PLXNA2: variants seen among roughly 807,000 people sequenced by gnomAD.
The protein encoded by PLXNA2 is plexin A2, also known as plexin-A2.
PLXNA2 carries 91 observed loss-of-function variants against 193.5 expected under a neutral mutation model. That is an observed-to-expected ratio of 0.47 (90% CI 0.40 to 0.56). The LOEUF is 0.56. Ranked by LOEUF, PLXNA2 falls within the 20% of genes least tolerant of loss-of-function variation. The probability of loss-of-function intolerance (pLI) is 0.00; values close to 1 mark genes in which losing one functional copy is unlikely to be tolerated. For synonymous variants in PLXNA2, 997 were observed against 1,027.3 expected (o/e 0.97, Z 0.56); for missense variants, 1,995 against 2,503.2 (o/e 0.80, Z 4.33).
chr1:208,127,412 C>A (rs971949824), intron 4 of PLXNA2, among the ~76,000 whole-genome samples: 10 of 152,232 alleles, frequency 6.6e-5, no homozygotes, highest in Non-Finnish European at 1.2e-4. Flanking sequence ...TCCTGGCCTT[C>A]CAGGGACCAA....
intron 11 of PLXNA2, among the ~76,000 whole-genome samples, chr1:208,080,941 G>T (rs997107367): frequency 1.3e-4 from 20 of 152,316 alleles, no homozygotes; most frequent in African/African-American, 4.6e-4. Context: ...GTCTTTAAAT[G>T]GTGTGGTCCT....
At chr1:208,242,451 C>T (rs1367988063) in intron 1 of PLXNA2, among the ~76,000 whole-genome samples, 2 of 152,158 alleles carry the variant, frequency 1.3e-5, no homozygotes, top group Non-Finnish European at 2.9e-5. Context: ...ACTGATGGGC[C>T]CCCAAGTGAC....
intron 1 of PLXNA2, among the ~76,000 whole-genome samples, chr1:208,220,307 G>A (rs563586682): frequency 6.6e-6 from 1 of 151,884 alleles, no homozygotes; most frequent in Non-Finnish European, 1.5e-5. Flanking sequence ...GTCCCTTTCT[G>A]GTAGAATGGG....
chr1:208,154,210 T>C (rs1668863540), intron 3 of PLXNA2, among the ~76,000 whole-genome samples: 1 of 151,904 alleles, frequency 6.6e-6, no homozygotes, highest in Admixed American at 6.6e-5. Flanking sequence ...CTGGGCAGAG[T>C]GCCAGCGTGA....
chr1:208,091,867 T>C (rs1387366348), intron 9 of PLXNA2, among the ~76,000 whole-genome samples: 1 of 48,526 alleles, frequency 2.1e-5, no homozygotes, highest in African/African-American at 6.8e-5. Context: ...AGACTTCATA[T>C]CAAAAAAAAA....
chr1:208,081,572 C>G (rs1172295702), intron 11 of PLXNA2, among the ~76,000 whole-genome samples: 1 of 152,216 alleles, frequency 6.6e-6, no homozygotes, highest in African/African-American at 2.4e-5. Context: ...TGAAATTAGA[C>G]TGTCTTGGTT....
At chr1:208,108,838 CAG>C (rs980752531) in intron 4 of PLXNA2, among the ~76,000 whole-genome samples, 4 of 152,152 alleles carry the variant, frequency 2.6e-5, no homozygotes, top group Admixed American at 6.5e-5. Context: ...GCTCAGAGGA[CAG>C]AGAGTGGCAG....
At chr1:208,050,078 C>A (rs1219061956) in intron 17 of PLXNA2, among the ~76,000 whole-genome samples, 1 of 152,182 alleles carries the variant, frequency 6.6e-6, no homozygotes, top group East Asian at 1.9e-4. Flanking sequence ...ACGATACAGA[C>A]AACTTTTTAA....
intron 9 of PLXNA2, among the ~76,000 whole-genome samples, chr1:208,085,043 G>A (rs748584907): frequency 3.3e-5 from 5 of 151,366 alleles, no homozygotes; most frequent in Non-Finnish European, 7.4e-5. Context: ...TTTCCAGAAG[G>A]TGGATCAAGC....
At chr1:208,079,965 G>A (rs556800208) in intron 11 of PLXNA2, among the ~76,000 whole-genome samples, 3 of 152,268 alleles carry the variant, frequency 2.0e-5, no homozygotes, top group African/African-American at 7.2e-5. Context: ...CAGGAGGTAA[G>A]GGCTGCTTTC....
intron 3 of PLXNA2, among the ~76,000 whole-genome samples, chr1:208,178,518 A>T (rs1213885148): frequency 6.6e-6 from 1 of 152,160 alleles, no homozygotes; most frequent in Non-Finnish European, 1.5e-5. Flanking sequence ...ATAAATCTTC[A>T]GGGGTAGGGG....
At position 208,089,596 on chromosome 1, in the gene PLXNA2, A is replaced by G. The variant is rs188212142; in HGVS notation, c.2097+3190T>C. Among the ~76,000 whole-genome samples, 179 of 152,304 alleles carry G rather than the reference A, an allele frequency of 1.2e-3. 1 individual carries two copies. The highest frequency in any genetic ancestry group is 4.0e-3 in the African/African-American group (167 of 41,564). ...TTGAATTTCTATAAGTTCCCAGGTG[A>G]TGCTGATGCTGCCGGTCCCTGGGCA... On this transcript the variant is annotated intron_variant, in intron 9 of 31. Coordinates refer to ENST00000367033, the MANE Select transcript of PLXNA2 (RefSeq NM_025179.4).
chr1:208,221,326 GT>G (rs1026287630), intron 1 of PLXNA2, among the ~76,000 whole-genome samples: 1 of 148,198 alleles, frequency 6.7e-6, no homozygotes, highest in Non-Finnish European at 1.5e-5. Flanking sequence ...AGCAGCTGAG[GT>G]TTTTTGCTCC....
At chr1:208,065,716 C>T (rs796577226) in intron 12 of PLXNA2, among the ~76,000 whole-genome samples, 4 of 152,254 alleles carry the variant, frequency 2.6e-5, no homozygotes, top group South Asian at 2.1e-4. Flanking sequence ...GGAGAATGCC[C>T]GAAGCCTGAG....
chr1:208,154,561 C>T (rs976139395), intron 3 of PLXNA2, among the ~76,000 whole-genome samples: 1 of 152,140 alleles, frequency 6.6e-6, no homozygotes, highest in Non-Finnish European at 1.5e-5. Context: ...TACACTAGGG[C>T]CAACTCAAAA....
chr1:208,096,244 C>A, intron 7 of PLXNA2, 119 bp from the exon 8 acceptor site: 2 of 755,262 alleles, frequency 2.6e-6, no homozygotes, highest in Non-Finnish European at 4.5e-6. Flanking sequence ...GATGTAGATA[C>A]TATGTGGAAC....
At chr1:208,161,577 C>T (rs749970137) in intron 3 of PLXNA2, among the ~76,000 whole-genome samples, 1 of 152,092 alleles carries the variant, frequency 6.6e-6, no homozygotes, top group Non-Finnish European at 1.5e-5. Context: ...AGGGCACGGA[C>T]GAGTGGCCAA....
chr1:208,046,199 C>T, intron 17 of PLXNA2, 82 bp from the exon 18 acceptor site: 1 of 1,483,218 alleles, frequency 6.7e-7, no homozygotes, highest in East Asian at 2.4e-5. Flanking sequence ...CCCACCCTCT[C>T]TCTGCTTTTG....
chr1:208,091,794 C>T (rs780195022), intron 9 of PLXNA2, among the ~76,000 whole-genome samples: 39 of 148,310 alleles, frequency 2.6e-4, no homozygotes, highest in Non-Finnish European at 4.7e-4. Flanking sequence ...TGCTTGAACC[C>T]GGGAGGCAGA....
Sources: allele counts gnomAD v4.1 joint callset (sites outside exome capture counted in the v4.1 genomes callset), GRCh38; gene constraint gnomAD v4.1.1; transcripts MANE v1.5; gene names NCBI Gene and HGNC (gene_info 2026-07-23, HGNC 2026-07-21).